The following FAT1 variants were observed in gnomAD, a reference collection of about 807,000 sequenced individuals.
FAT1 encodes the protein FAT atypical cadherin 1.
A neutral mutation model predicts 329.8 loss-of-function variants in FAT1; 171 were observed. The ratio of observed to expected loss-of-function variants is 0.52; its 90% confidence interval spans 0.46 to 0.59. FAT1 has a LOEUF of 0.59. Among genes scored for constraint, FAT1 ranks in the 20% least tolerant of loss-of-function variants. FAT1 has a pLI of 0.00. For missense variants in FAT1, 5,672 were observed against 5,774.4 expected (o/e 0.98, Z 0.57); for synonymous variants, 2,233 against 2,228.6 (o/e 1.00, Z -0.06).
intron 2 of FAT1, among the ~76,000 whole-genome samples, chr4:186,701,085 C>T (rs955498346): frequency 6.6e-6 from 1 of 152,210 alleles, no homozygotes; most frequent in Non-Finnish European, 1.5e-5. Context: ...CCAGGCTAGA[C>T]TTGTTCAGTC....
In FAT1 at chr4:186,599,871, T is replaced by A. The variant is rs200085810; in HGVS notation, c.12103+27A>T. On this transcript the variant is annotated intron_variant, in intron 22 of 26. Coordinates refer to ENST00000441802, the MANE Select transcript of FAT1 (RefSeq NM_005245.4). ...TTAAATGTACACACGTGCAGCATTT[T>A]AAAGATGGCAACATTACGGAGCCCA... 1.1e-5 allele frequency: 17 copies of A among 1,564,704 alleles called. No individual in the cohort carries two copies. In the African/African-American group the frequency reaches 1.4e-4, roughly 13 times the overall value.
rs1206242787 is a variant in FAT1, at chr4:186,646,779, C to T, written c.3581-6996G>A. ...TAGATTTTGACTGTGCTGATACTGC[C>T]CTGCCATGCTCCTGCTCCCCGTTCT... On this transcript the variant is annotated intron_variant, in intron 3 of 26. Transcript: ENST00000441802. Among the ~76,000 whole-genome samples, 4 of 151,850 alleles carry T rather than the reference C, an allele frequency of 2.6e-5. 1 individual carries two copies. The South Asian group carries it at 6.3e-4, about 24-fold the overall frequency.
At chr4:186,607,187 T>C (rs916067748) in intron 16 of FAT1, among the ~76,000 whole-genome samples, 7 of 152,214 alleles carry the variant, frequency 4.6e-5, no homozygotes, top group Admixed American at 3.9e-4. Flanking sequence ...GATACACCCA[T>C]TATTCTTCTG....
In FAT1 at chr4:186,589,029, C is replaced by A. The variant is rs765124620; in HGVS notation, c.13330G>T (p.Ala4444Ser). Reference sequence around the variant, plus strand: ...GGTAACGGTGGTAGCTCATCAGCTGCGGGGAAGTCTTCTGGGGGTGGAGGA... The same window carrying A: ...GGTAACGGTGGTAGCTCATCAGCTGAGGGGAAGTCTTCTGGGGGTGGAGGA... Reference protein sequence around the residue: ...DFPPPPEDFPAADELPPLPPE... With the variant: ...DFPPPPEDFPSADELPPLPPE... Residue 4444 changes from alanine to serine, a missense_variant, in exon 27 of 27, where the codon GCA (alanine) becomes TCA (serine). Ala to Ser is a moderately conservative substitution (Grantham distance 99). Around this residue, in one of 2 missense-constraint regions of FAT1, gnomAD observed 1,706 missense variants for 1,859.1 expected, o/e 0.92. Transcript: ENST00000441802. The A allele has an allele frequency of 6.2e-7, 1 of 1,613,644 alleles. No homozygotes were observed. Among genetic ancestry groups the A allele is most frequent in the African/African-American group, 1.3e-5 (1 of 74,840 alleles).
chr4:186,712,232 A>G (rs183909305), intron 1 of FAT1, among the ~76,000 whole-genome samples: 11 of 152,334 alleles, frequency 7.2e-5, no homozygotes, highest in Admixed American at 1.3e-4. Context: ...CAATGTACCC[A>G]CGGATATACT....
rs764352574 is a variant in FAT1 at position 186,709,238 on chromosome 4, A to G, written c.590T>C (p.Ile197Thr). Reference protein sequence around the residue: ...SFKDRTDMFAIHPTSGVIVLT... With the variant: ...SFKDRTDMFATHPTSGVIVLT... ...CACTATCACACCACTGGTTGGGTGA[A>G]TAGCAAACATATCTGTTCGATCTTT... The change falls in exon 2 of 27, where the codon ATT becomes ACT. Residue 197 changes from isoleucine to threonine, a missense_variant. By Grantham distance (89) the Ile-to-Thr change is moderately conservative. Transcript: ENST00000441802. The G allele has an allele frequency of 7.4e-6, 12 of 1,614,016 alleles. No homozygotes were observed. The highest frequency in any genetic ancestry group is 1.0e-5 in the Non-Finnish European group (12 of 1,179,888).
rs769682293 is a variant in FAT1 at position 186,617,145 on chromosome 4, A to G, written c.8935T>C (p.Tyr2979His). The change falls in exon 11 of 27, where the codon TAT becomes CAT. Residue 2979 changes from tyrosine to histidine, a missense_variant. Tyr to His is a moderately conservative substitution (Grantham distance 83). Coordinates refer to ENST00000441802, the MANE Select transcript of FAT1 (RefSeq NM_005245.4). ...TCCCTGTCTAGAGGTTTCTTCACAT[A>G]TACCTTCCATTCATTCTGTATAGTT... ...VETIQNEWKV[Y>H]VKKPLDREKR... The G allele has an allele frequency of 5.6e-6, 9 of 1,613,800 alleles. No homozygotes were observed. Among genetic ancestry groups the G allele is most frequent in the Non-Finnish European group, 6.8e-6 (8 of 1,179,742 alleles).
At position 186,603,472 on chromosome 4, in the gene FAT1, G is replaced by C. The variant is rs2126428727; in HGVS notation, c.11054C>G (p.Ser3685Cys). The change falls in exon 19 of 27, where the codon TCC (serine) becomes TGC (cysteine). Residue 3685 changes from serine to cysteine, a missense_variant. Around this residue, in one of 2 missense-constraint regions of FAT1, gnomAD observed 1,706 missense variants for 1,859.1 expected, o/e 0.92. Transcript: ENST00000441802. Reference sequence around the variant, plus strand: ...GTCCAGATGTGGGTGAGGTTCAGAGGACTGCAAACTAACAATCTGTATGTC... The same window carrying C: ...GTCCAGATGTGGGTGAGGTTCAGAGCACTGCAAACTAACAATCTGTATGTC... ...RNDIQIVSLQ[S>C]SEPHPHLDVL... 3 of 1,613,946 alleles carry C rather than the reference G, an allele frequency of 1.9e-6. No individual in the cohort carries two copies. Among genetic ancestry groups the C allele is most frequent in the Non-Finnish European group, 2.5e-6 (3 of 1,179,890 alleles).
intron 9 of FAT1, among the ~76,000 whole-genome samples, chr4:186,624,908 G>C (rs1278032152): frequency 6.6e-6 from 1 of 152,104 alleles, no homozygotes; most frequent in Non-Finnish European, 1.5e-5. Flanking sequence ...TAATGGTAGT[G>C]GTCTCCTACA....
Position 186,639,858 on chromosome 4 carries a change from C to T in FAT1, c.3581-75G>A, listed in dbSNP as rs1376965151. 3 of 1,275,866 alleles carry T rather than the reference C, an allele frequency of 2.4e-6. No homozygotes were observed. In the African/African-American group the frequency reaches 4.4e-5, roughly 19 times the overall value. The allele number at this position is 1,275,866 out of a possible 1,614,324, so 79.0% of individuals were successfully genotyped here. On this transcript the variant is annotated intron_variant, in intron 3 of 26. Coordinates refer to ENST00000441802, the MANE Select transcript of FAT1 (RefSeq NM_005245.4). ...AAAATACTGCAATTAAAATCACACT[C>T]TTGGCCAGGTGCGGTAGCTCATGCC...
chr4:186,707,174 C>T lies in FAT1; in HGVS notation c.2654G>A (p.Arg885Gln), dbSNP rs772649459. ...TAAGGAGTGCTCATGCTGCAGCTCT[C>T]GATCCAGAGGGCGTGCGATGTTAAC... ...GVVNIARPLD[R>Q]ELQHEHSLKI... is the part of the protein sequence containing the mutation. The change falls in exon 2 of 27, where the codon CGA becomes CAA. Residue 885 changes from arginine to glutamine, a missense_variant. Arg to Gln is a conservative substitution (Grantham distance 43). Around this residue, in one of 2 missense-constraint regions of FAT1, gnomAD observed 3,966 missense variants for 3,915.2 expected, o/e 1.01. Transcript: ENST00000441802. 8.1e-6 allele frequency: 13 copies of T among 1,613,896 alleles called. No individual in the cohort carries two copies. The highest frequency in any genetic ancestry group is 2.2e-5 in the East Asian group (1 of 44,862).
At chr4:186,612,687 C>G (rs1739502067) in intron 13 of FAT1, among the ~76,000 whole-genome samples, 1 of 152,146 alleles carries the variant, frequency 6.6e-6, no homozygotes, top group African/African-American at 2.4e-5. Flanking sequence ...CTATCAAATG[C>G]TACAAATATA....
rs2126520750 is a variant in FAT1, at chr4:186,620,954, C to G, written c.5632G>C (p.Val1878Leu). 3.7e-6 allele frequency: 6 copies of G among 1,613,844 alleles called. No homozygotes were observed. The highest frequency in any genetic ancestry group is 5.1e-6 in the Non-Finnish European group (6 of 1,179,894). Residue 1878 changes from valine (V) to leucine (L), a missense_variant, in exon 10 of 27, where the codon GTG (valine) becomes CTG (leucine). Physicochemically the swap from Val to Leu is conservative, Grantham distance 32 (BLOSUM62 1). This residue lies in a region of FAT1 where 3,966 missense variants were observed against 3,915.2 expected (regional missense o/e 1.01). Transcript: ENST00000441802. The stretch of plus-strand genomic sequence containing the variant: ...GCTTCATATAATGGCTTGGCAAACA[C>G]AGGGGGGCAGTCATTAATGTCAATT... ...HVIDINDCPP[V>L]FAKPLYEASL...
At position 186,598,145 on chromosome 4, in the gene FAT1, C is replaced by A. The variant is rs1560920062; in HGVS notation, c.12104-20G>T. ...AATAACCTAAATCGGCAAAAAGGAA[C>A]AAAAAAGTCCTATCACTCAATGACT... On this transcript the variant is annotated intron_variant, in intron 22 of 26. Coordinates refer to ENST00000441802, the MANE Select transcript of FAT1 (RefSeq NM_005245.4). 8.9e-6 allele frequency: 14 copies of A among 1,580,080 alleles called. No individual in the cohort carries two copies. In the Admixed American group the frequency reaches 9.7e-5, roughly 11 times the overall value.
At chr4:186,594,836 A>C (rs1738426066) in intron 26 of FAT1, among the ~76,000 whole-genome samples, 1 of 151,240 alleles carries the variant, frequency 6.6e-6, no homozygotes, top group Non-Finnish European at 1.5e-5. Flanking sequence ...AATAATTATT[A>C]GTGGGGTTAC....
chr4:186,607,291 T>G (rs1312669165), intron 16 of FAT1, among the ~76,000 whole-genome samples: 1 of 152,202 alleles, frequency 6.6e-6, no homozygotes, highest in East Asian at 1.9e-4. Context: ...TCTGAGGTAG[T>G]TCCTGCTCAG....
intron 2 of FAT1, among the ~76,000 whole-genome samples, chr4:186,696,428 A>G (rs1744043227): frequency 6.6e-6 from 1 of 152,182 alleles, no homozygotes; most frequent in Non-Finnish European, 1.5e-5. Flanking sequence ...CAGCTGGGCA[A>G]CAAATCGAAA....
Position 186,702,028 on chromosome 4 carries a change from G to A in FAT1, c.3265+4535C>T, listed in dbSNP as rs555848046. Among the ~76,000 whole-genome samples, 4 of 151,342 alleles carry A rather than the reference G, an allele frequency of 2.6e-5. No homozygotes were observed. In the East Asian group the frequency reaches 7.9e-4, roughly 30 times the overall value. On this transcript the variant is annotated intron_variant, in intron 2 of 26. Transcript: ENST00000441802. ...CACAGGTGACACAGACATGAGGCCA[G>A]GAGCCGACCCCCACACAGGTGACAC... is the stretch of plus-strand genomic sequence containing the variant.
At chr4:186,674,440 C>A (rs891018333) in intron 2 of FAT1, among the ~76,000 whole-genome samples, 11 of 152,202 alleles carry the variant, frequency 7.2e-5, no homozygotes, top group African/African-American at 2.7e-4. Context: ...CCAGAGGGTA[C>A]TATCTCCATG....
Sources: allele counts gnomAD v4.1 joint callset (sites outside exome capture counted in the v4.1 genomes callset), GRCh38; gene constraint gnomAD v4.1.1; regional missense constraint gnomAD v4.1.1; transcripts MANE v1.5; gene names NCBI Gene and HGNC (gene_info 2026-07-23, HGNC 2026-07-21).